The following DMP1 variants were observed in gnomAD, a reference collection of about 807,000 sequenced individuals.
The protein encoded by DMP1 is dentin matrix acidic phosphoprotein 1, also known as dentin matrix protein 1.
Under a neutral mutation model 14.6 loss-of-function variants are expected in DMP1, and 20 were observed. The observed-to-expected ratio is 1.37, with a 90% CI of 0.96 to 1.99. DMP1 has a LOEUF of 1.99. Among genes scored for constraint, DMP1 ranks in the 30% most tolerant of loss-of-function variants. DMP1 has a pLI of 0.00. For missense variants in DMP1, 567 were observed against 620.5 expected, an observed-to-expected ratio of 0.91 and a Z score of 0.92; for synonymous variants, 197 against 215.3, an observed-to-expected ratio of 0.91 and a Z score of 0.75.
At position 87,659,269 on chromosome 4, in the gene DMP1, C is replaced by A; in HGVS notation, c.135+17C>A. Reference sequence around the variant, plus strand: ...CCACCCTTGGTAACTATCTCATTTACTTTTGTCATAAACATCTCATGAAGT... The same window carrying A: ...CCACCCTTGGTAACTATCTCATTTAATTTTGTCATAAACATCTCATGAAGT... On this transcript the variant is annotated intron_variant, in intron 4 of 5. Coordinates refer to ENST00000339673, the MANE Select transcript of DMP1 (RefSeq NM_004407.4). The A allele has an allele frequency of 6.2e-7, 1 of 1,613,856 alleles. No homozygotes were observed. The highest frequency in any genetic ancestry group is 1.1e-5 in the South Asian group (1 of 91,078).
intron 5 of DMP1, chr4:87,660,806 T>A (rs1211947611): frequency 6.6e-6 from 1 of 152,194 alleles, no homozygotes; most frequent in Admixed American, 6.5e-5. Context: ...ACTAACGAGG[T>A]AGAAACATGG....
rs1339235428 is a variant in DMP1, at chr4:87,662,663, T to C, written c.885T>C (p.Ser295=). ...CAATGGAAGAAGTCAAGAGTGACTC[T>C]ACAGAAAACAGCAACTCCAGAGACA... The part of the protein sequence containing the change: ...NNTMEEVKSD[S]TENSNSRDTG... Residue 295 remains serine (S), a synonymous_variant, in exon 6 of 6, where the codon TCT becomes TCC. Transcript: ENST00000339673. 3 of 1,614,126 alleles carry C rather than the reference T, an allele frequency of 1.9e-6. No homozygotes were observed. The South Asian group carries it at 3.3e-5, about 18-fold the overall frequency.
intron 5 of DMP1, among the ~76,000 whole-genome samples, chr4:87,661,035 TTG>T (rs1311604377): frequency 6.9e-6 from 1 of 145,870 alleles, no homozygotes; most frequent in Non-Finnish European, 1.5e-5. Context: ...AGAGGTTTTT[TTG>T]TGTGTGTGTT....
Position 87,662,906 on chromosome 4 carries a change from A to G in DMP1, c.1128A>G (p.Glu376=). 1 of 1,614,230 alleles carries G rather than the reference A, an allele frequency of 6.2e-7. No homozygotes were observed. The highest frequency in any genetic ancestry group is 8.5e-7 in the Non-Finnish European group (1 of 1,180,036). ...CCGACCCCACAACTAGTTATGTAGA[A>G]GACCAGGAAGACAGTGACTCCAGCG... ...DNPDPTTSYV[E]DQEDSDSSEE... Residue 376 remains glutamate (E), a synonymous_variant, in exon 6 of 6, where the codon GAA becomes GAG. Transcript: ENST00000339673.
At chr4:87,654,980 T>G (rs1425647880) in intron 1 of DMP1, among the ~76,000 whole-genome samples, 1 of 152,058 alleles carries the variant, frequency 6.6e-6, no homozygotes, top group Non-Finnish European at 1.5e-5. Context: ...GTGAGAAAAT[T>G]GTGAGGGAGG....
At chr4:87,654,278 C>G (rs1018259950) in intron 1 of DMP1, among the ~76,000 whole-genome samples, 1 of 152,050 alleles carries the variant, frequency 6.6e-6, no homozygotes, top group African/African-American at 2.4e-5. Flanking sequence ...GTTTCTATAA[C>G]CTGCCTTTGG....
chr4:87,656,396 A>AG, intron 1 of DMP1, 76 bp from the exon 2 acceptor site: 1 of 831,758 alleles, frequency 1.2e-6, no homozygotes, highest in Non-Finnish European at 2.1e-6. Context: ...AATTTTTAGT[A>AG]GGAAGAAACT....
intron 5 of DMP1, among the ~76,000 whole-genome samples, chr4:87,659,888 G>C (rs370046304): frequency 6.6e-6 from 1 of 152,192 alleles, no homozygotes; most frequent in African/African-American, 2.4e-5. Flanking sequence ...GATCCTGCTC[G>C]AAGACAGAAC....
At chr4:87,654,088 G>C (rs1728613876) in intron 1 of DMP1, among the ~76,000 whole-genome samples, 1 of 152,154 alleles carries the variant, frequency 6.6e-6, no homozygotes, top group African/African-American at 2.4e-5. Flanking sequence ...GCCTCTCCGT[G>C]CAGCATTTCT....
Position 87,663,609 on chromosome 4 carries a change from C to A in DMP1, c.*289C>A, listed in dbSNP as rs1728998021. On this transcript the variant is annotated 3_prime_UTR_variant, in exon 6 of 6. Coordinates refer to ENST00000339673, the MANE Select transcript of DMP1 (RefSeq NM_004407.4). ...GTTCCTAATTCATCAACGTAACAAACAAAGCTATTGGGTGTCCATGATATA... is the reference window on the plus strand; with the variant it reads ...GTTCCTAATTCATCAACGTAACAAAAAAAGCTATTGGGTGTCCATGATATA... The A allele has an allele frequency of 4.3e-6, 2 of 465,130 alleles. No individual in the cohort carries two copies. Among genetic ancestry groups the A allele is most frequent in the South Asian group, 2.1e-5 (1 of 47,718 alleles). The allele number at this position is 465,130 out of a possible 1,614,324, so 28.8% of individuals were successfully genotyped here. A position where few individuals can be genotyped will look rare whatever the true frequency, so the allele number is the denominator to read the frequency against.
At chr4:87,659,133 A>G in intron 3 of DMP1, 87 bp from the exon 4 acceptor site, 2 of 1,382,700 alleles carry the variant, frequency 1.4e-6, no homozygotes, top group Non-Finnish European at 2.0e-6. Flanking sequence ...AACTAAAAAT[A>G]ATAACCTAAA....
Position 87,663,050 on chromosome 4 carries a change from T to C in DMP1, c.1272T>C (p.Asp424=). 1 of 1,614,118 alleles carries C rather than the reference T, an allele frequency of 6.2e-7. No individual in the cohort carries two copies. Among genetic ancestry groups the C allele is most frequent in the African/African-American group, 1.3e-5 (1 of 75,036 alleles). ...FSEESPESPE[D]ENSSSQEGLQ... ...AGGAAAGCCCGGAGTCCCCTGAGGA[T>C]GAGAACAGCTCCAGCCAGGAGGGCC... Residue 424 remains aspartate (D), a synonymous_variant, in exon 6 of 6, where the codon GAT becomes GAC. Coordinates refer to ENST00000339673, the MANE Select transcript of DMP1 (RefSeq NM_004407.4).
In DMP1 at chr4:87,662,815, T is replaced by C. The variant is rs922952257; in HGVS notation, c.1037T>C (p.Leu346Pro). The C allele has an allele frequency of 1.9e-6, 3 of 1,612,560 alleles. No individual in the cohort carries two copies. The highest frequency in any genetic ancestry group is 1.7e-6 in the Non-Finnish European group (2 of 1,178,850). The change falls in exon 6 of 6, where the codon CTG becomes CCG. Residue 346 changes from leucine (L) to proline (P), a missense_variant. By Grantham distance (98) the Leu-to-Pro change is moderately conservative. Coordinates refer to ENST00000339673, the MANE Select transcript of DMP1 (RefSeq NM_004407.4). ...AGTGAGTCCAGCCAAGAGGCCAACC[T>C]GTCATCTCAAGAGAACAGCAGTGAG... Reference protein sequence around the residue: ...PSSESSQEANLSSQENSSESQ... With the variant: ...PSSESSQEANPSSQENSSESQ...
At chr4:87,650,839 T>C (rs1372259061) in intron 1 of DMP1, among the ~76,000 whole-genome samples, 1 of 152,146 alleles carries the variant, frequency 6.6e-6, no homozygotes, top group African/African-American at 2.4e-5. Flanking sequence ...AAAATGTTAT[T>C]CATCTAGAGA....
intron 2 of DMP1, 61 bp downstream of exon 2, chr4:87,656,607 G>C (rs1728704782): frequency 2.7e-6 from 3 of 1,106,108 alleles, no homozygotes; most frequent in Non-Finnish European, 4.2e-6. Flanking sequence ...CCACAATTTT[G>C]ATTGGCTATG....
In DMP1 at chr4:87,662,375, T is replaced by C; in HGVS notation, c.597T>C (p.Asp199=). 6.2e-7 allele frequency: 1 copy of C among 1,613,786 alleles called. No homozygotes were observed. The highest frequency in any genetic ancestry group is 8.5e-7 in the Non-Finnish European group (1 of 1,179,948). The change falls in exon 6 of 6, where the codon GAT becomes GAC. Residue 199 remains aspartate, a synonymous_variant. Transcript: ENST00000339673. ...AGCACTGGGTGGGAGGTGGCAGTGA[T>C]GGGGAGAGCAGCCATGGAGACGGCT... is the stretch of plus-strand genomic sequence containing the variant. The part of the protein sequence containing the change: ...SEEHWVGGGS[D]GESSHGDGSE...
chr4:87,659,082 A>G lies in DMP1; in HGVS notation c.103-138A>G, dbSNP rs1193642724. ...CCTTTTGGAACCATTTCATCATAAA[A>G]TTTCACTATTACTCATGTAAATGTA... On this transcript the variant is annotated intron_variant, in intron 3 of 5. Transcript: ENST00000339673. The G allele has an allele frequency of 3.5e-6, 3 of 850,216 alleles. No individual in the cohort carries two copies. The East Asian group carries it at 8.0e-5, about 23-fold the overall frequency. The allele number at this position is 850,216 out of a possible 1,614,324, so 52.7% of individuals were successfully genotyped here.
At chr4:87,656,374 G>A in intron 1 of DMP1, 98 bp from the exon 2 acceptor site, 1 of 771,540 alleles carries the variant, frequency 1.3e-6, no homozygotes. Context: ...TCAGTTCATG[G>A]ACATTTGGAT....
chr4:87,655,067 T>C lies in DMP1; in HGVS notation c.-21-1405T>C, dbSNP rs182942191. On this transcript the variant is annotated intron_variant, in intron 1 of 5. Coordinates refer to ENST00000339673, the MANE Select transcript of DMP1 (RefSeq NM_004407.4). ...AGGTTTGAGTGACCCAGTTCCTAGG[T>C]TGACTTTCCCTTTGACTTAGTGAGT... 1.1e-4 allele frequency among the ~76,000 whole-genome samples: 16 copies of C among 152,296 alleles called. No individual in the cohort carries two copies. In the South Asian group the frequency reaches 3.3e-3, roughly 32 times the overall value.
Sources: gnomAD v4.1 joint callset for allele counts (sites outside exome capture counted in the v4.1 genomes callset) on GRCh38, gnomAD v4.1.1 for gene constraint, MANE v1.5 for transcripts, NCBI Gene and HGNC (gene_info 2026-07-23, HGNC 2026-07-21) for gene names.